The following PAK1 variants were observed in gnomAD, a reference collection of about 807,000 sequenced individuals.
PAK1 encodes the protein p21 (RAC1) activated kinase 1.
Under a neutral mutation model 67.4 loss-of-function variants are expected in PAK1, and 29 were observed. That is an observed-to-expected ratio of 0.43 (90% CI 0.32 to 0.59). The LOEUF (loss-of-function observed/expected upper bound fraction) is 0.59, where lower values mean the gene tolerates loss of function less well. Ranked by LOEUF, PAK1 falls within the 20% of genes least tolerant of loss-of-function variation. PAK1 has a pLI of 0.07. For missense variants in PAK1, 337 were observed against 670.7 expected (o/e 0.50, Z 5.50); for synonymous variants, 223 against 237.4 (o/e 0.94, Z 0.56).
At chr11:77,385,195 A>T (rs1950301480) in intron 2 of PAK1, among the ~76,000 whole-genome samples, 1 of 152,228 alleles carries the variant, frequency 6.6e-6, no homozygotes, top group African/African-American at 2.4e-5. Flanking sequence ...TCATCATAGT[A>T]CTGAAGGTAT....
intron 1 of PAK1, among the ~76,000 whole-genome samples, chr11:77,420,932 C>T (rs1397951882): frequency 1.3e-5 from 2 of 152,272 alleles, no homozygotes; most frequent in African/African-American, 4.8e-5. Flanking sequence ...GTCAATAGCG[C>T]CACTGTTGGG....
At chr11:77,468,723 A>G (rs988170655) in intron 1 of PAK1, among the ~76,000 whole-genome samples, 1 of 152,212 alleles carries the variant, frequency 6.6e-6, no homozygotes, top group African/African-American at 2.4e-5. Flanking sequence ...TTAGGAACCA[A>G]TTTAAAAGAA....
the PAK1 span, among the ~76,000 whole-genome samples, chr11:77,528,009 C>G: frequency 6.6e-6 from 1 of 151,966 alleles, no homozygotes; most frequent in South Asian, 2.1e-4. Context: ...GCCACCATGC[C>G]CAGCTAATTT....
chr11:77,519,611 A>G, the PAK1 span, among the ~76,000 whole-genome samples: 1 of 152,036 alleles, frequency 6.6e-6, no homozygotes, highest in Admixed American at 6.5e-5. Flanking sequence ...TCCCTTATTG[A>G]TCTTTGCAAA....
intron 9 of PAK1, among the ~76,000 whole-genome samples, chr11:77,346,534 G>A (rs1944447582): frequency 6.6e-6 from 1 of 152,106 alleles, no homozygotes; most frequent in South Asian, 2.1e-4. Flanking sequence ...AATACCAAGT[G>A]AGACAATGGC....
intron 1 of PAK1, among the ~76,000 whole-genome samples, chr11:77,430,882 A>G (rs1955828988): frequency 6.6e-6 from 1 of 152,222 alleles, no homozygotes; most frequent in Admixed American, 6.5e-5. Flanking sequence ...CCTGTTAGGA[A>G]CTGGGCCTCA....
At chr11:77,506,891 T>C in the PAK1 span, among the ~76,000 whole-genome samples, 7 of 151,666 alleles carry the variant, frequency 4.6e-5, no homozygotes, top group African/African-American at 1.7e-4. Flanking sequence ...AACAGTGAGA[T>C]AATATGAGAA....
intron 13 of PAK1, 108 bp from the exon 14 acceptor site, chr11:77,332,975 A>G: frequency 1.0e-6 from 1 of 988,930 alleles, no homozygotes; most frequent in Non-Finnish European, 1.6e-6. Context: ...CTAGGATGCA[A>G]AGTAGCAGCT....
At chr11:77,489,977 C>T in the PAK1 span, among the ~76,000 whole-genome samples, 3 of 150,986 alleles carry the variant, frequency 2.0e-5, no homozygotes, top group Non-Finnish European at 3.0e-5. Context: ...CGTCTCTGCC[C>T]GGCCGCCATC....
At chr11:77,398,525 T>G (rs772052965) in intron 1 of PAK1, among the ~76,000 whole-genome samples, 8 of 152,214 alleles carry the variant, frequency 5.3e-5, no homozygotes, top group Non-Finnish European at 8.8e-5. Flanking sequence ...CATTCTTTTT[T>G]GTGGCTGAAT....
intron 14 of PAK1, among the ~76,000 whole-genome samples, chr11:77,324,071 T>C (rs1037725446): frequency 1.3e-5 from 2 of 152,182 alleles, no homozygotes; most frequent in African/African-American, 2.4e-5. Flanking sequence ...CACTGGGCTG[T>C]ACTTTGGGCC....
chr11:77,490,439 C>A, the PAK1 span, among the ~76,000 whole-genome samples: 5,478 of 146,952 alleles, frequency 0.037, 172 homozygotes, highest in African/African-American at 0.11. Flanking sequence ...GGCCAGCCGC[C>A]CCGTCTGGGA....
intron 6 of PAK1, among the ~76,000 whole-genome samples, chr11:77,357,356 C>G (rs1390100532): frequency 6.6e-6 from 1 of 152,188 alleles, no homozygotes; most frequent in East Asian, 1.9e-4. Context: ...ACGCTGAGAT[C>G]AGAGGCAATG....
chr11:77,491,251 A>G, the PAK1 span, among the ~76,000 whole-genome samples: 1 of 152,212 alleles, frequency 6.6e-6, no homozygotes, highest in East Asian at 1.9e-4. Context: ...AGACTATTAT[A>G]ACACTGTAGT....
intron 1 of PAK1, among the ~76,000 whole-genome samples, chr11:77,396,055 T>C (rs1468469516): frequency 1.3e-5 from 2 of 152,170 alleles, no homozygotes; most frequent in African/African-American, 4.8e-5. Context: ...TCATTGAATG[T>C]AACTCCATTT....
At chr11:77,438,505 C>T (rs562301307) in intron 1 of PAK1, among the ~76,000 whole-genome samples, 1 of 152,252 alleles carries the variant, frequency 6.6e-6, no homozygotes, top group East Asian at 1.9e-4. Context: ...GTGGATGGAG[C>T]CCTTTACCTT....
At chr11:77,456,251 C>A (rs572714187) in intron 1 of PAK1, among the ~76,000 whole-genome samples, 18 of 152,136 alleles carry the variant, frequency 1.2e-4, no homozygotes, top group African/African-American at 3.4e-4. Context: ...ACTCTTGGAG[C>A]CTTACAACGT....
At chr11:77,456,748 G>GT (rs970023326) in intron 1 of PAK1, among the ~76,000 whole-genome samples, 116 of 145,028 alleles carry the variant, frequency 8.0e-4, no homozygotes, top group African/African-American at 1.0e-3. Flanking sequence ...TTGGTTTTTT[G>GT]TTTTTTTTTT....
At chr11:77,449,690 G>GGAA (rs1956770670) in intron 1 of PAK1, among the ~76,000 whole-genome samples, 2 of 71,424 alleles carry the variant, frequency 2.8e-5, no homozygotes, top group Non-Finnish European at 3.7e-5. Context: ...AATCCTATAG[G>GGAA]TAAAAAAAAA....
Sources: allele counts gnomAD v4.1 joint callset (sites outside exome capture counted in the v4.1 genomes callset), GRCh38; gene constraint gnomAD v4.1.1; transcripts MANE v1.5; gene names NCBI Gene and HGNC (gene_info 2026-07-23, HGNC 2026-07-21).